The following E2F2 variants were observed in gnomAD, a reference collection of about 807,000 sequenced individuals.
E2F2 encodes transcription factor E2F2.
E2F2 carries 22 observed loss-of-function variants against 42.2 expected under a neutral mutation model. That is an observed-to-expected ratio of 0.52 (90% CI 0.37 to 0.74). The LOEUF is 0.74. Ranked by LOEUF, E2F2 falls within the 30% of genes least tolerant of loss-of-function variation. The pLI is 0.00. For missense variants in E2F2, 481 were observed against 557.8 expected (o/e 0.86, Z 1.39); for synonymous variants, 248 against 251.6 (o/e 0.99, Z 0.13).
chr1:23,516,410 G>A lies in E2F2; in HGVS notation c.970C>T (p.Leu324Phe). 1 of 1,599,936 alleles carries A rather than the reference G, an allele frequency of 6.3e-7. No individual in the cohort carries two copies. The highest frequency in any genetic ancestry group is 8.5e-7 in the Non-Finnish European group (1 of 1,174,032). ...SEEPLPSTST[L>F]CPSPDSAQPS... Reference sequence around the variant, plus strand: ...TGGGCAGAGTCAGGGCTGGGGCAGAGGGTGGAGGTAGAGGGGAGAGGCTCC... The same window carrying A: ...TGGGCAGAGTCAGGGCTGGGGCAGAAGGTGGAGGTAGAGGGGAGAGGCTCC... Residue 324 changes from leucine to phenylalanine, a missense_variant, in exon 6 of 7, where the codon CTC (leucine) becomes TTC (phenylalanine). Transcript: ENST00000361729.
At chr1:23,516,600 G>C in intron 5 of E2F2, 73 bp from the exon 6 acceptor site, 1 of 1,248,332 alleles carries the variant, frequency 8.0e-7, no homozygotes, top group Non-Finnish European at 1.1e-6. Flanking sequence ...ATGGACAGAC[G>C]CACGTGGCTG....
chr1:23,523,786 G>C (rs542776645), intron 2 of E2F2, among the ~76,000 whole-genome samples: 1 of 152,088 alleles, frequency 6.6e-6, no homozygotes, highest in Non-Finnish European at 1.5e-5. Flanking sequence ...GAAGTAGTGC[G>C]AGACTGGCCA....
rs1642808071 is a variant in E2F2 at position 23,506,958 on chromosome 1, G to A, written c.*2922C>T. 1 of 152,248 alleles carries A rather than the reference G, an allele frequency of 6.6e-6. No individual in the cohort carries two copies. Among genetic ancestry groups the A allele is most frequent in the Admixed American group, 6.5e-5 (1 of 15,274 alleles). 9.4% of individuals were successfully genotyped at this position (152,248 alleles called of 1,614,324 possible). ...CACACCAGCCGATCCCATTACTGTG[G>A]AAAAGGGACACCCTCTGGTCTATTC... is the stretch of plus-strand genomic sequence containing the variant. On this transcript the variant is annotated 3_prime_UTR_variant, in exon 7 of 7. Coordinates refer to ENST00000361729, the MANE Select transcript of E2F2 (RefSeq NM_004091.4).
intron 3 of E2F2, among the ~76,000 whole-genome samples, chr1:23,521,277 G>T (rs777048037): frequency 8.5e-5 from 13 of 152,172 alleles, no homozygotes; most frequent in Non-Finnish European, 1.2e-4. Context: ...CCCCATTTCT[G>T]AGGGGCTCTC....
At chr1:23,526,084 A>T (rs1643245736) in intron 1 of E2F2, among the ~76,000 whole-genome samples, 1 of 151,962 alleles carries the variant, frequency 6.6e-6, no homozygotes, top group African/African-American at 2.4e-5. Flanking sequence ...AGGAGCCTGG[A>T]TATAACACTC....
chr1:23,521,791 G>A, intron 3 of E2F2, 46 bp downstream of exon 3: 5 of 1,607,406 alleles, frequency 3.1e-6, no homozygotes, highest in Non-Finnish European at 4.2e-6. Flanking sequence ...TCCGCCCACA[G>A]CACAAGTACC....
chr1:23,509,600 C>A lies in E2F2; in HGVS notation c.*280G>T. On this transcript the variant is annotated 3_prime_UTR_variant, in exon 7 of 7. Coordinates refer to ENST00000361729, the MANE Select transcript of E2F2 (RefSeq NM_004091.4). The stretch of plus-strand genomic sequence containing the variant: ...CTTTCCCTGGACTTGGCCACCTCAC[C>A]TGCAGCCTTCTTGTGAGAGGTCAGA... 2.4e-6 allele frequency: 1 copy of A among 411,280 alleles called. No homozygotes were observed. The allele number at this position is 411,280 out of a possible 1,614,324, so 25.5% of individuals were successfully genotyped here. A position where few individuals can be genotyped will look rare whatever the true frequency, so the allele number is the denominator to read the frequency against.
chr1:23,523,462 A>G (rs1033545965), intron 2 of E2F2, among the ~76,000 whole-genome samples: 1 of 152,178 alleles, frequency 6.6e-6, no homozygotes, highest in African/African-American at 2.4e-5. Context: ...CAGCCTATCC[A>G]GGATATTGAC....
At chr1:23,516,801 G>A (rs562519182) in intron 5 of E2F2, among the ~76,000 whole-genome samples, 8 of 58,662 alleles carry the variant, frequency 1.4e-4, no homozygotes, top group Admixed American at 2.9e-4. Context: ...TTTGGGGCGG[G>A]GGGGGGGGGG....
At chr1:23,520,878 G>A in intron 4 of E2F2, 35 bp downstream of exon 4, 2 of 1,510,626 alleles carry the variant, frequency 1.3e-6, no homozygotes, top group South Asian at 2.6e-5. Context: ...ACAGGTTCCT[G>A]CTCCCTGACA....
chr1:23,521,848 G>A lies in E2F2; in HGVS notation c.567C>T (p.Asn189=), dbSNP rs767322340. 1.8e-5 allele frequency: 29 copies of A among 1,613,956 alleles called. No individual in the cohort carries two copies. Among genetic ancestry groups the A allele is most frequent in the Non-Finnish European group, 2.4e-5 (28 of 1,180,018 alleles). The change falls in exon 3 of 7, where the codon AAC becomes AAT. Residue 189 remains asparagine, a synonymous_variant. Coordinates refer to ENST00000361729, the MANE Select transcript of E2F2 (RefSeq NM_004091.4). ...GCCCAGGCACTCACACCCACTGGAT[G>A]TTGTTCTTGGCCTTCTTGCGGATGA... ...IQLIRKKAKN[N]IQWVGRGMFE...
chr1:23,529,497 C>T (rs1466005791), intron 1 of E2F2, among the ~76,000 whole-genome samples: 1 of 152,158 alleles, frequency 6.6e-6, no homozygotes, highest in Non-Finnish European at 1.5e-5. Flanking sequence ...GTGGTCTTAT[C>T]CCTGTACCCG....
chr1:23,505,459 C>T (rs1267238417), downstream of E2F2, among the ~76,000 whole-genome samples: 1 of 152,164 alleles, frequency 6.6e-6, no homozygotes, highest in Non-Finnish European at 1.5e-5. Flanking sequence ...GTTCATGGAG[C>T]CTCAGAATAC....
At chr1:23,523,598 T>C (rs1385424868) in intron 2 of E2F2, among the ~76,000 whole-genome samples, 2 of 152,204 alleles carry the variant, frequency 1.3e-5, no homozygotes, top group Non-Finnish European at 2.9e-5. Flanking sequence ...CCCTTCCCTT[T>C]GAATCACTTA....
intron 6 of E2F2, 115 bp from the exon 7 acceptor site, chr1:23,510,263 G>A: frequency 7.1e-7 from 1 of 1,417,622 alleles, no homozygotes; most frequent in Non-Finnish European, 9.2e-7. Flanking sequence ...CCTTAGCCTG[G>A]GTGGACTGTC....
rs1558237706 is a variant in E2F2 at position 23,513,561 on chromosome 1, C to CGTGTGT, written c.1045+2773_1045+2774insACACAC. Among the ~76,000 whole-genome samples the CGTGTGT allele has an allele frequency of 2.8e-3, 330 of 116,030 alleles. 6 individuals are homozygous for CGTGTGT. Among genetic ancestry groups the CGTGTGT allele is most frequent in the Admixed American group, 8.0e-3 (84 of 10,526 alleles). The allele number at this position is 116,030 out of a possible 152,430, so 76.1% of individuals were successfully genotyped here. On this transcript the variant is annotated intron_variant, in intron 6 of 6. Transcript: ENST00000361729. ...TACTATTTCAGAACACAGCACGGAA[C>CGTGTGT]ATGTGTGTGTGTGTGTGTGTGTGTG...
chr1:23,530,899 G>A lies in E2F2; in HGVS notation c.-106C>T, dbSNP rs1643330573. On this transcript the variant is annotated 5_prime_UTR_variant, in exon 1 of 7. Transcript: ENST00000361729. This position sits in a 1 kb window ranked among gnomAD's most constrained non-coding sequence, Gnocchi z 4.4. ...CGGCCCGCGGCATGGCGCGGAGGCC[G>A]GGGGAAGCCGCCAATGGACGCCTGC... 2.2e-6 allele frequency: 3 copies of A among 1,367,314 alleles called. No homozygotes were observed. Among genetic ancestry groups the A allele is most frequent in the African/African-American group, 3.0e-5 (2 of 66,086 alleles). The allele number at this position is 1,367,314 out of a possible 1,614,324, so 84.7% of individuals were successfully genotyped here. A position where few individuals can be genotyped will look rare whatever the true frequency, so the allele number is the denominator to read the frequency against.
At chr1:23,528,330 C>T (rs937481366) in intron 1 of E2F2, among the ~76,000 whole-genome samples, 2 of 152,230 alleles carry the variant, frequency 1.3e-5, no homozygotes, top group Non-Finnish European at 2.9e-5. Flanking sequence ...TCACCCTGCA[C>T]TTTGCAGCCC....
At position 23,509,905 on chromosome 1, in the gene E2F2, T is replaced by C. The variant is rs1432965980; in HGVS notation, c.1289A>G (p.Asp430Gly). 1.2e-5 allele frequency: 19 copies of C among 1,569,540 alleles called. No individual in the cohort carries two copies. Among genetic ancestry groups the C allele is most frequent in the Non-Finnish European group, 1.6e-5 (18 of 1,155,400 alleles). The change falls in exon 7 of 7, where the codon GAC becomes GGC. Residue 430 changes from aspartate (D) to glycine (G), a missense_variant. Asp to Gly is a moderately conservative substitution (Grantham distance 94). Transcript: ENST00000361729. ...TCAATTAATCAACAGGTCCCCAAGG[T>C]CGTAGGAGTCGAAGAGATCGCTGAT... is the stretch of plus-strand genomic sequence containing the variant. ...EGISDLFDSY[D>G]LGDLLIN
Sources: allele counts gnomAD v4.1 joint callset (sites outside exome capture counted in the v4.1 genomes callset), GRCh38; gene constraint gnomAD v4.1.1; non-coding constraint Gnocchi (gnomAD v3.1); transcripts MANE v1.5; gene names NCBI Gene and HGNC (gene_info 2026-07-23, HGNC 2026-07-21).